The following RAMP3 variants were observed in gnomAD, a reference collection of about 807,000 sequenced individuals.
RAMP3 encodes the protein receptor activity-modifying protein 3.
Under a neutral mutation model 13.5 loss-of-function variants are expected in RAMP3, and 14 were observed. The observed-to-expected ratio is 1.04, with a 90% CI of 0.69 to 1.63. The LOEUF (loss-of-function observed/expected upper bound fraction) is 1.63, where lower values mean the gene tolerates loss of function less well. RAMP3 is among the 40% of genes most tolerant of loss of function. The probability of loss-of-function intolerance (pLI) is 0.00; values close to 1 mark genes in which losing one functional copy is unlikely to be tolerated. For synonymous variants in RAMP3, 106 were observed against 88.3 expected (o/e 1.20, Z -1.12); for missense variants, 200 against 204.8 (o/e 0.98, Z 0.14).
intron 1 of RAMP3, among the ~76,000 whole-genome samples, chr7:45,160,754 C>T (rs1462028070): frequency 6.6e-6 from 1 of 152,160 alleles, no homozygotes; most frequent in Admixed American, 6.5e-5. Context: ...AAACACAGGC[C>T]GGCATGTTCT....
At chr7:45,173,932 G>A (rs1274839977) in intron 1 of RAMP3, among the ~76,000 whole-genome samples, 2 of 152,144 alleles carry the variant, frequency 1.3e-5, no homozygotes, top group African/African-American at 4.8e-5. Context: ...GACACATATA[G>A]CAGAGCCTCG....
At chr7:45,177,262 C>A (rs1786206642) in intron 1 of RAMP3, 47 bp from the exon 2 acceptor site, 1 of 1,611,426 alleles carries the variant, frequency 6.2e-7, no homozygotes, top group Admixed American at 1.7e-5. Flanking sequence ...GTCCTGGCAT[C>A]CCCAGTGTGA....
At position 45,170,583 on chromosome 7, in the gene RAMP3, C is replaced by T. The variant is rs182763584; in HGVS notation, c.59-6726C>T. On this transcript the variant is annotated intron_variant, in intron 1 of 2. Coordinates refer to ENST00000242249, the MANE Select transcript of RAMP3 (RefSeq NM_005856.3). Reference sequence around the variant, plus strand: ...CGGTCTCCTGACCTCATGATCTGCTCGCCTCGGCCTTCCAAAGTGCTGGGA... The same window carrying T: ...CGGTCTCCTGACCTCATGATCTGCTTGCCTCGGCCTTCCAAAGTGCTGGGA... Among the ~76,000 whole-genome samples, 19 of 152,016 alleles carry T rather than the reference C, an allele frequency of 1.2e-4. No individual in the cohort carries two copies. In the East Asian group the frequency reaches 3.1e-3, roughly 25 times the overall value.
intron 1 of RAMP3, among the ~76,000 whole-genome samples, chr7:45,170,928 C>CT (rs576559180): frequency 0.011 from 1,554 of 145,398 alleles, 28 homozygotes; most frequent in African/African-American, 0.037. Flanking sequence ...CATGTCCAGC[C>CT]TTTTTTTTTT....
chr7:45,164,633 G>T (rs1785923393), intron 1 of RAMP3, among the ~76,000 whole-genome samples: 1 of 152,298 alleles, frequency 6.6e-6, no homozygotes, highest in Admixed American at 6.5e-5. Context: ...TTTTGATGCT[G>T]TTATTAGGTG....
intron 1 of RAMP3, among the ~76,000 whole-genome samples, chr7:45,175,081 CCAGAGGCTCACT>C (rs1786153584): frequency 6.6e-6 from 1 of 152,152 alleles, no homozygotes. Flanking sequence ...GGTGAGCACC[CCAGAGGCTCACT>C]CAGGGGTTGG....
At chr7:45,176,508 A>C (rs1165258144) in intron 1 of RAMP3, among the ~76,000 whole-genome samples, 1 of 152,004 alleles carries the variant, frequency 6.6e-6, no homozygotes, top group Non-Finnish European at 1.5e-5. Flanking sequence ...GATGAGCACC[A>C]AAGCAGAGGT....
intron 2 of RAMP3, among the ~76,000 whole-genome samples, chr7:45,180,351 T>C (rs1381086658): frequency 5.3e-5 from 8 of 152,218 alleles, no homozygotes; most frequent in Non-Finnish European, 2.9e-5. Context: ...CTCCTTTCTT[T>C]CCCCTGAATG....
At chr7:45,173,603 C>T (rs970617357) in intron 1 of RAMP3, among the ~76,000 whole-genome samples, 8 of 152,198 alleles carry the variant, frequency 5.3e-5, no homozygotes, top group South Asian at 2.1e-4. Context: ...GTGGTTTTTA[C>T]GTCCAAGTTT....
At chr7:45,169,625 G>A (rs1786041022) in intron 1 of RAMP3, among the ~76,000 whole-genome samples, 1 of 152,172 alleles carries the variant, frequency 6.6e-6, no homozygotes, top group Non-Finnish European at 1.5e-5. Context: ...CTGAACTTCT[G>A]GTGGCCCCAG....
intron 1 of RAMP3, among the ~76,000 whole-genome samples, chr7:45,175,907 G>A (rs1265982871): frequency 2.0e-5 from 3 of 152,132 alleles, no homozygotes; most frequent in Non-Finnish European, 2.9e-5. Flanking sequence ...TGGTGGAGCA[G>A]GTCCCTGCAC....
chr7:45,182,303 C>T (rs1014571184), intron 2 of RAMP3, among the ~76,000 whole-genome samples: 18 of 152,284 alleles, frequency 1.2e-4, no homozygotes, highest in Non-Finnish European at 2.5e-4. Context: ...CATCTAGCTT[C>T]GTCTAGAACA....
Position 45,183,346 on chromosome 7 carries a change from C to T in RAMP3, c.381C>T (p.Val127=), listed in dbSNP as rs376139265. ...EVLIPLIVIP[V]VLTVAMAGLV... is the part of the protein sequence containing the mutation. ...TCATCCCGCTGATCGTTATACCCGT[C>T]GTTCTGACTGTCGCCATGGCTGGCC... is the stretch of plus-strand genomic sequence containing the variant. Residue 127 remains valine, a synonymous_variant, in exon 3 of 3, where the codon GTC becomes GTT. Coordinates refer to ENST00000242249, the MANE Select transcript of RAMP3 (RefSeq NM_005856.3). 6.2e-6 allele frequency: 10 copies of T among 1,614,006 alleles called. No homozygotes were observed. The highest frequency in any genetic ancestry group is 1.7e-5 in the Admixed American group (1 of 60,032).
chr7:45,161,614 A>G (rs976090292), intron 1 of RAMP3, among the ~76,000 whole-genome samples: 2 of 148,576 alleles, frequency 1.3e-5, no homozygotes, highest in African/African-American at 5.0e-5. Flanking sequence ...AAGGAAGGAG[A>G]GGAGAGGAAA....
At chr7:45,163,998 T>G (rs2128655459) in intron 1 of RAMP3, 1 of 573,292 alleles carries the variant, frequency 1.7e-6, no homozygotes, top group South Asian at 7.6e-5. Flanking sequence ...CACTTCTGCC[T>G]TTCTATTAGA....
At chr7:45,160,330 CAAAAAAAAAAAAAAAAAAAAAAAAA>C (rs34833718) in intron 1 of RAMP3, among the ~76,000 whole-genome samples, 13 of 17,870 alleles carry the variant, frequency 7.3e-4, no homozygotes, top group Admixed American at 1.3e-3. Context: ...GACTCTGCCT[CAAAAAAAAAAAAAAAAAAAAAAAAA>C]AAAAAAAAAA....
chr7:45,176,400 A>G (rs1030933312), intron 1 of RAMP3, among the ~76,000 whole-genome samples: 1 of 151,646 alleles, frequency 6.6e-6, no homozygotes, highest in Non-Finnish European at 1.5e-5. Flanking sequence ...ACACACACAC[A>G]CACACACACA....
chr7:45,169,593 G>A (rs75319468), intron 1 of RAMP3, among the ~76,000 whole-genome samples: 3,916 of 152,232 alleles, frequency 0.026, 180 homozygotes, highest in African/African-American at 0.089. Flanking sequence ...CCCAGGTGCT[G>A]GGCACTCCTT....
intron 1 of RAMP3, among the ~76,000 whole-genome samples, chr7:45,164,498 G>A (rs1785921449): frequency 6.6e-6 from 1 of 151,952 alleles, no homozygotes; most frequent in South Asian, 2.1e-4. Context: ...TCACACCACT[G>A]TACTCCAGCC....
Sources: allele counts gnomAD v4.1 joint callset (sites outside exome capture counted in the v4.1 genomes callset), GRCh38; gene constraint gnomAD v4.1.1; transcripts MANE v1.5; gene names NCBI Gene and HGNC (gene_info 2026-07-23, HGNC 2026-07-21).